Variants in SLC6A19 observed in about 807,000 individuals in gnomAD.
SLC6A19 encodes the protein sodium-dependent neutral amino acid transporter B(0)AT1.
SLC6A19 carries 67 observed loss-of-function variants against 68.3 expected under a neutral mutation model. The observed-to-expected ratio is 0.98, with a 90% CI of 0.81 to 1.20. SLC6A19 has a LOEUF of 1.20. SLC6A19 is among the 50% of genes most tolerant of loss of function. The pLI is 0.00. For synonymous variants in SLC6A19, 392 were observed against 374.9 expected, an observed-to-expected ratio of 1.05 and a Z score of -0.53; for missense variants, 813 against 851.6, an observed-to-expected ratio of 0.95 and a Z score of 0.56.
At chr5:1,211,739 TAC>T (rs983010822) in intron 3 of SLC6A19, among the ~76,000 whole-genome samples, 7 of 149,410 alleles carry the variant, frequency 4.7e-5, no homozygotes, top group African/African-American at 1.7e-4. Flanking sequence ...CACGTGAGAG[TAC>T]AGTCACGCTT....
Position 1,218,976 on chromosome 5 carries a change from G to A in SLC6A19, c.1247G>A (p.Trp416Ter). ...ACCAAGATGCCGTTGTCCCCACTGT[G>A]GTCTGTGCTCTTCTTCATTATGCTC... is the stretch of plus-strand genomic sequence containing the variant. Reference protein sequence around the residue: ...AITKMPLSPLWSVLFFIMLFC... With the variant: ...AITKMPLSPL The change falls in exon 9 of 12, where the codon TGG becomes TAG. Residue 416 changes from tryptophan to a stop codon, truncating the protein, a stop_gained. Coordinates refer to ENST00000304460, the MANE Select transcript of SLC6A19 (RefSeq NM_001003841.3). LOFTEE classifies it high-confidence loss of function. 4 of 1,614,084 alleles carry A rather than the reference G, an allele frequency of 2.5e-6. No homozygotes were observed. The highest frequency in any genetic ancestry group is 1.1e-5 in the South Asian group (1 of 91,086).
At position 1,214,526 on chromosome 5, in the gene SLC6A19, G is replaced by A. The variant is rs988078148; in HGVS notation, c.887+461G>A. Among the ~76,000 whole-genome samples, 4 of 152,170 alleles carry A rather than the reference G, an allele frequency of 2.6e-5. No homozygotes were observed. The highest frequency in any genetic ancestry group is 9.7e-5 in the African/African-American group (4 of 41,424). ...TGCCCCTGGGAAGGATGCATACCCT[G>A]GAGTCCCCAGCAGCGTCTGGGAGGA... On this transcript the variant is annotated intron_variant, in intron 6 of 11. Coordinates refer to ENST00000304460, the MANE Select transcript of SLC6A19 (RefSeq NM_001003841.3). The surrounding 1 kb of genome is among the most constrained non-coding windows in gnomAD (Gnocchi z 7.4).
In SLC6A19 at chr5:1,212,618, A is replaced by T. The variant is rs1746076147; in HGVS notation, c.663+134A>T. Reference sequence around the variant, plus strand: ...GCCTTTCCCCAGACCCCACCAAGAGAGCTGCCTTTGCCCTTAGGCTCACTG... The same window carrying T: ...GCCTTTCCCCAGACCCCACCAAGAGTGCTGCCTTTGCCCTTAGGCTCACTG... On this transcript the variant is annotated intron_variant, in intron 4 of 11. Coordinates refer to ENST00000304460, the MANE Select transcript of SLC6A19 (RefSeq NM_001003841.3). This position sits in a 1 kb window ranked among gnomAD's most constrained non-coding sequence, Gnocchi z 5.1. The T allele has an allele frequency of 8.4e-7, 1 of 1,188,028 alleles. No homozygotes were observed. The highest frequency in any genetic ancestry group is 2.1e-5 in the Admixed American group (1 of 48,078). The allele number at this position is 1,188,028 out of a possible 1,614,324, so 73.6% of individuals were successfully genotyped here.
intron 5 of SLC6A19, 86 bp from the exon 6 acceptor site, chr5:1,213,867 C>T (rs1410028715): frequency 1.3e-6 from 2 of 1,582,968 alleles, no homozygotes; most frequent in Non-Finnish European, 1.7e-6. Flanking sequence ...AGCCTCGACC[C>T]TCCCCGCCTC....
rs941101034 is a variant in SLC6A19 at position 1,222,071 on chromosome 5, C to A, written c.*167C>A. The A allele has an allele frequency of 1.2e-5, 9 of 761,704 alleles. No individual in the cohort carries two copies. The South Asian group carries it at 1.6e-4, about 13-fold the overall frequency. 47.2% of individuals were successfully genotyped at this position (761,704 alleles called of 1,614,324 possible). On this transcript the variant is annotated 3_prime_UTR_variant, in exon 12 of 12. Transcript: ENST00000304460. Reference sequence around the variant, plus strand: ...ATGTGCCATGTGTGCAGATATGTATCGTGTGTGCATGTACATGCATGGGCA... The same window carrying A: ...ATGTGCCATGTGTGCAGATATGTATAGTGTGTGCATGTACATGCATGGGCA...
At position 1,214,116 on chromosome 5, in the gene SLC6A19, C is replaced by A. The variant is rs777518052; in HGVS notation, c.887+51C>A. The A allele has an allele frequency of 9.9e-6, 16 of 1,612,436 alleles. No individual in the cohort carries two copies. In the South Asian group the frequency reaches 1.1e-4, roughly 11 times the overall value. ...GTTTCCCTCTCAGTCCTGGGGGGAT[C>A]TTGCTGGGAGGATAAAAGACAAGGT... On this transcript the variant is annotated intron_variant, in intron 6 of 11. Coordinates refer to ENST00000304460, the MANE Select transcript of SLC6A19 (RefSeq NM_001003841.3). This position sits in a 1 kb window ranked among gnomAD's most constrained non-coding sequence, Gnocchi z 7.4.
At chr5:1,211,892 T>G (rs1201959835) in intron 3 of SLC6A19, among the ~76,000 whole-genome samples, 1 of 141,362 alleles carries the variant, frequency 7.1e-6, no homozygotes, top group African/African-American at 2.7e-5. Flanking sequence ...ACAGTCACAC[T>G]TGTGTGCTGT....
intron 8 of SLC6A19, among the ~76,000 whole-genome samples, chr5:1,218,442 C>T (rs1038401687): frequency 2.0e-5 from 3 of 152,236 alleles, no homozygotes; most frequent in African/African-American, 4.8e-5. Flanking sequence ...GAGCAGAAGG[C>T]GTCCGGGTGG....
intron 1 of SLC6A19, among the ~76,000 whole-genome samples, chr5:1,202,934 G>A (rs1226458743): frequency 6.6e-6 from 1 of 152,160 alleles, no homozygotes; most frequent in East Asian, 1.9e-4. Context: ...TCCACTGGAG[G>A]CAGGTCGGGG....
intron 11 of SLC6A19, 28 bp downstream of exon 11, chr5:1,221,341 G>A: frequency 1.2e-6 from 2 of 1,610,508 alleles, no homozygotes; most frequent in South Asian, 1.1e-5. Context: ...CGCCTGGGGT[G>A]GGGAGAGGAA....
At position 1,223,812 on chromosome 5, in the gene SLC6A19, A is replaced by T. The variant is rs974871825; in HGVS notation, c.*1908A>T. On this transcript the variant is annotated 3_prime_UTR_variant, in exon 12 of 12. Coordinates refer to ENST00000304460, the MANE Select transcript of SLC6A19 (RefSeq NM_001003841.3). ...TGAAAGCCTGGTGTGTGCCAGTATG[A>T]TGTTCCACCCACAGAAACCTGGTCA... 2.6e-5 allele frequency: 4 copies of T among 152,262 alleles called. No homozygotes were observed. Among genetic ancestry groups the T allele is most frequent in the African/African-American group, 9.7e-5 (4 of 41,434 alleles). 9.4% of individuals were successfully genotyped at this position (152,262 alleles called of 1,614,324 possible). A position where few individuals can be genotyped will look rare whatever the true frequency, so the allele number is the denominator to read the frequency against.
rs1324995425 is a variant in SLC6A19, at chr5:1,212,785, A to ATGATGATGG, written c.663+318_663+326dup. On this transcript the variant is annotated intron_variant, in intron 4 of 11. Transcript: ENST00000304460. The surrounding 1 kb of genome is among the most constrained non-coding windows in gnomAD (Gnocchi z 5.1). ...TACCAGAAAGAGATAGACGATGATGATGATGATGGTGATGATGGTGATGAT... is the reference window on the plus strand; with the variant it reads ...TACCAGAAAGAGATAGACGATGATGATGATGATGGTGATGATGGTGATGATGGTGATGAT... Among the ~76,000 whole-genome samples the ATGATGATGG allele has an allele frequency of 6.6e-6, 1 of 152,130 alleles. No homozygotes were observed. Among genetic ancestry groups the ATGATGATGG allele is most frequent in the Non-Finnish European group, 1.5e-5 (1 of 68,008 alleles).
Position 1,213,934 on chromosome 5 carries a change from G to A in SLC6A19, c.775-19G>A, listed in dbSNP as rs1746127202. The A allele has an allele frequency of 6.2e-7, 1 of 1,612,076 alleles. No individual in the cohort carries two copies. The highest frequency in any genetic ancestry group is 1.3e-5 in the African/African-American group (1 of 74,946). The stretch of plus-strand genomic sequence containing the variant: ...CCCCATCTGCACCATGAGTGGCTGA[G>A]GGTCTCCATGTGGCGCAGGTCACGG... On this transcript the variant is annotated intron_variant, in intron 5 of 11. Transcript: ENST00000304460.
intron 10 of SLC6A19, 77 bp downstream of exon 10, chr5:1,219,741 G>T: frequency 6.3e-7 from 1 of 1,588,084 alleles, no homozygotes. Context: ...GGGAGGACCC[G>T]GGCTGTGTTC....
Position 1,222,515 on chromosome 5 carries a change from A to G in SLC6A19, c.*611A>G, listed in dbSNP as rs770187393. The G allele has an allele frequency of 8.5e-5, 35 of 412,566 alleles. No individual in the cohort carries two copies. Among genetic ancestry groups the G allele is most frequent in the South Asian group, 2.2e-4 (2 of 8,974 alleles). 25.6% of individuals were successfully genotyped at this position (412,566 alleles called of 1,614,324 possible). ...ATGTATGCCTGTGTGACGTGTGTATATGTGAGCATGTGTACGTGTGTGTAT... is the reference window on the plus strand; with the variant it reads ...ATGTATGCCTGTGTGACGTGTGTATGTGTGAGCATGTGTACGTGTGTGTAT... On this transcript the variant is annotated 3_prime_UTR_variant, in exon 12 of 12. Coordinates refer to ENST00000304460, the MANE Select transcript of SLC6A19 (RefSeq NM_001003841.3).
At chr5:1,204,767 G>A (rs967860278) in intron 1 of SLC6A19, among the ~76,000 whole-genome samples, 9 of 152,224 alleles carry the variant, frequency 5.9e-5, no homozygotes, top group Non-Finnish European at 1.0e-4. Context: ...ACCATGTGGC[G>A]CCAGCACAGC....
rs570921426 is a variant in SLC6A19, at chr5:1,213,406, C to G, written c.664-57C>G. ...ATGCCCCGCCCCCACGTGCCGCCCC[C>G]ACCGCATGCCTGGCCCCCCAACTTC... is the stretch of plus-strand genomic sequence containing the variant. On this transcript the variant is annotated intron_variant, in intron 4 of 11. Transcript: ENST00000304460. 3.7e-6 allele frequency: 4 copies of G among 1,078,958 alleles called. No individual in the cohort carries two copies. In the African/African-American group the frequency reaches 8.3e-5, roughly 22 times the overall value. 66.8% of individuals were successfully genotyped at this position (1,078,958 alleles called of 1,614,324 possible). A position where few individuals can be genotyped will look rare whatever the true frequency, so the allele number is the denominator to read the frequency against.
chr5:1,212,591 C>G lies in SLC6A19; in HGVS notation c.663+107C>G, dbSNP rs1354439995. 1.4e-6 allele frequency: 2 copies of G among 1,419,334 alleles called. No individual in the cohort carries two copies. The highest frequency in any genetic ancestry group is 2.8e-5 in the African/African-American group (2 of 70,942). 87.9% of individuals were successfully genotyped at this position (1,419,334 alleles called of 1,614,324 possible). A position where few individuals can be genotyped will look rare whatever the true frequency, so the allele number is the denominator to read the frequency against. On this transcript the variant is annotated intron_variant, in intron 4 of 11. Coordinates refer to ENST00000304460, the MANE Select transcript of SLC6A19 (RefSeq NM_001003841.3). This position sits in a 1 kb window ranked among gnomAD's most constrained non-coding sequence, Gnocchi z 5.1. ...AACCCAGGTCTGGGGGTCCCGGGCT[C>G]TGCCTTTCCCCAGACCCCACCAAGA...
chr5:1,218,084 G>A (rs901770946), intron 8 of SLC6A19, among the ~76,000 whole-genome samples: 1 of 151,866 alleles, frequency 6.6e-6, no homozygotes, highest in African/African-American at 2.4e-5. Flanking sequence ...GAAGAGCGGC[G>A]TGCCTTGTAT....
Sources: allele counts gnomAD v4.1 joint callset (sites outside exome capture counted in the v4.1 genomes callset), GRCh38; gene constraint gnomAD v4.1.1; non-coding constraint Gnocchi (gnomAD v3.1); transcripts MANE v1.5; gene names NCBI Gene and HGNC (gene_info 2026-07-23, HGNC 2026-07-21).